Variants in ARID1A observed in about 807,000 individuals in gnomAD.
The protein encoded by ARID1A is AT-rich interactive domain-containing protein 1A.
In ARID1A, 20 loss-of-function variants were observed where a neutral mutation model predicts 212.6. The ratio of observed to expected loss-of-function variants is 0.09; its 90% CI spans 0.07 to 0.14. The LOEUF is 0.14. ARID1A is among the 10% of genes least tolerant of loss of function. ARID1A has a pLI of 1.00. For missense variants in ARID1A, 2,587 were observed against 3,059.0 expected, an observed-to-expected ratio of 0.85 and a Z score of 3.64; for synonymous variants, 1,376 against 1,222.1, an observed-to-expected ratio of 1.13 and a Z score of -2.63.
At chr1:26,768,041 C>T (rs531658327) in intron 11 of ARID1A, 42 bp downstream of exon 11, 14 of 1,589,786 alleles carry the variant, frequency 8.8e-6, no homozygotes, top group East Asian at 4.5e-5. Flanking sequence ...GTGGTTTCCA[C>T]AAACCCCTTT....
rs545141170 is a variant in ARID1A, at chr1:26,778,989, C to A, written c.5125-34C>A. The A allele has an allele frequency of 3.3e-6, 5 of 1,497,410 alleles. No homozygotes were observed. In the South Asian group the frequency reaches 7.2e-5, roughly 21 times the overall value. The allele number at this position is 1,497,410 out of a possible 1,614,324, so 92.8% of individuals were successfully genotyped here. A position where few individuals can be genotyped will look rare whatever the true frequency, so the allele number is the denominator to read the frequency against. On this transcript the variant is annotated intron_variant, in intron 19 of 19. Transcript: ENST00000324856. ...AATTCTGTTCTTAGGCCACTTTTCT[C>A]CCTTAATTTATTTCCTGTTCTTTCT...
Position 26,781,911 on chromosome 1 carries a change from CT to C in ARID1A, c.*1156del. On this transcript the variant is annotated 3_prime_UTR_variant, in exon 20 of 20. Transcript: ENST00000324856. ...AAAAGTTCTAGGTTCAGTTGAAGTT[CT>C]GATGAAGAAACACAATTGAGATTTT... The C allele has an allele frequency of 4.3e-6, 1 of 233,568 alleles. No homozygotes were observed. The highest frequency in any genetic ancestry group is 8.5e-6 in the Non-Finnish European group (1 of 118,016). The allele number at this position is 233,568 out of a possible 1,614,324, so 14.5% of individuals were successfully genotyped here. A position where few individuals can be genotyped will look rare whatever the true frequency, so the allele number is the denominator to read the frequency against.
rs2124740475 is a variant in ARID1A, at chr1:26,696,558, C to T, written c.155C>T (p.Ala52Val). ...GCGGCCGAGCGCGGGGAAATGAAGG[C>T]AGCCGCCGGGCAGGAAAGCGAGGGC... is the stretch of plus-strand genomic sequence containing the variant. ...AAAAERGEMK[A>V]AAGQESEGPA... Residue 52 changes from alanine (A) to valine (V), a missense_variant, in exon 1 of 20, where the codon GCA (alanine) becomes GTA (valine). This residue lies in a region of ARID1A where 735 missense variants were observed against 590.6 expected (regional missense o/e 1.24). Transcript: ENST00000324856. 8.1e-7 allele frequency: 1 copy of T among 1,230,470 alleles called. No individual in the cohort carries two copies. Among genetic ancestry groups the T allele is most frequent in the Non-Finnish European group, 1.0e-6 (1 of 990,054 alleles). 76.2% of individuals were successfully genotyped at this position (1,230,470 alleles called of 1,614,324 possible).
At chr1:26,746,839 C>T (rs547183634) in intron 4 of ARID1A, among the ~76,000 whole-genome samples, 1 of 152,298 alleles carries the variant, frequency 6.6e-6, no homozygotes, top group South Asian at 2.1e-4. Flanking sequence ...GAGTTCAAGG[C>T]TGGCCAATAT....
In ARID1A at chr1:26,735,778, A is replaced by G. The variant is rs2080723386; in HGVS notation, c.1920+2986A>G. Among the ~76,000 whole-genome samples the G allele has an allele frequency of 2.6e-5, 4 of 152,112 alleles. 1 individual carries two copies. The highest frequency in any genetic ancestry group is 2.6e-4 in the Admixed American group (4 of 15,282). On this transcript the variant is annotated intron_variant, in intron 4 of 19. Coordinates refer to ENST00000324856, the MANE Select transcript of ARID1A (RefSeq NM_006015.6). ...ATGGCACTTTGAGAACCTCTACTTT[A>G]TTCTTTTTTCTCTGCCTTGCTCTTG...
intron 1 of ARID1A, among the ~76,000 whole-genome samples, chr1:26,704,248 T>C (rs2124753453): frequency 6.6e-6 from 1 of 152,328 alleles, no homozygotes; most frequent in East Asian, 1.9e-4. Context: ...GTTAAGTTCT[T>C]GGCTAGTTCA....
At chr1:26,775,494 G>C (rs2124125513) in intron 18 of ARID1A, 83 bp from the exon 19 acceptor site, 2 of 1,571,208 alleles carry the variant, frequency 1.3e-6, no homozygotes, top group Non-Finnish European at 1.7e-6. Context: ...TATCTTCAGA[G>C]TAGCTTCACT....
At chr1:26,750,221 A>G (rs965440252) in intron 4 of ARID1A, among the ~76,000 whole-genome samples, 2 of 152,242 alleles carry the variant, frequency 1.3e-5, no homozygotes. Flanking sequence ...ATGGTTTAAT[A>G]GAATGGCTAG....
intron 4 of ARID1A, among the ~76,000 whole-genome samples, chr1:26,757,509 C>T (rs114059345): frequency 5.3e-5 from 8 of 151,286 alleles, no homozygotes; most frequent in African/African-American, 1.7e-4. Context: ...CACAAAGATA[C>T]GCACCAAATA....
intron 1 of ARID1A, 178 bp from the exon 2 acceptor site, chr1:26,729,473 T>C (rs2080651585): frequency 1.5e-6 from 1 of 672,586 alleles, no homozygotes; most frequent in African/African-American, 1.8e-5. Flanking sequence ...AATGACAAAA[T>C]TAGGGTTCTG....
rs2124113515 is a variant in ARID1A at position 26,773,687 on chromosome 1, C to G, written c.3974C>G (p.Pro1325Arg). Residue 1325 changes from proline (P) to arginine (R), a missense_variant, in exon 16 of 20, where the codon CCC becomes CGC. Physicochemically the swap from Pro to Arg is moderately radical, Grantham distance 103 (BLOSUM62 -2). Coordinates refer to ENST00000324856, the MANE Select transcript of ARID1A (RefSeq NM_006015.6). ...DSGMYSPSRY[P>R]PQQQQQQQQR... ...GGGATGTATTCTCCTAGCCGCTACC[C>G]CCCGCAGCAGCAGCAGCAGCAGCAG... 1 of 1,614,148 alleles carries G rather than the reference C, an allele frequency of 6.2e-7. No individual in the cohort carries two copies. Among genetic ancestry groups the G allele is most frequent in the Non-Finnish European group, 8.5e-7 (1 of 1,180,006 alleles).
At chr1:26,766,639 G>A in intron 10 of ARID1A, 73 bp downstream of exon 10, 3 of 1,427,262 alleles carry the variant, frequency 2.1e-6, no homozygotes, top group Non-Finnish European at 1.9e-6. Context: ...AAAAAGAAAA[G>A]AGAGTGACAA....
intron 19 of ARID1A, among the ~76,000 whole-genome samples, chr1:26,776,205 C>T (rs2081134067): frequency 6.6e-6 from 1 of 151,374 alleles, no homozygotes; most frequent in Non-Finnish European, 1.5e-5. Flanking sequence ...CTTCTCTGAA[C>T]AGTAGGGGCC....
chr1:26,772,474 T>C (rs1224827744), intron 12 of ARID1A, 26 bp from the exon 13 acceptor site: 18 of 1,613,934 alleles, frequency 1.1e-5, no homozygotes, highest in Non-Finnish European at 1.4e-5. Context: ...CCAAGCAAAC[T>C]ACTCAACTTG....
Position 26,702,641 on chromosome 1 carries a change from C to T in ARID1A, c.1137+5101C>T, listed in dbSNP as rs573769350. Among the ~76,000 whole-genome samples, 5 of 152,210 alleles carry T rather than the reference C, an allele frequency of 3.3e-5. No homozygotes were observed. In the South Asian group the frequency reaches 1.0e-3, roughly 32 times the overall value. On this transcript the variant is annotated intron_variant, in intron 1 of 19. Coordinates refer to ENST00000324856, the MANE Select transcript of ARID1A (RefSeq NM_006015.6). ...TTTCAAGCAAAGATAATGCTAGCCT[C>T]CTCATGTGGTGGAGTAAAATAACAT... is the stretch of plus-strand genomic sequence containing the variant.
At chr1:26,773,042 A>G (rs2081097705) in intron 14 of ARID1A, 55 bp downstream of exon 14, 1 of 1,564,936 alleles carries the variant, frequency 6.4e-7, no homozygotes, top group South Asian at 1.2e-5. Context: ...GGCCAGTGAA[A>G]TGGGGGGAAA....
intron 1 of ARID1A, among the ~76,000 whole-genome samples, chr1:26,715,019 A>C (rs116215833): frequency 2.1e-3 from 313 of 152,280 alleles, no homozygotes; most frequent in African/African-American, 7.1e-3. Context: ...CTTTGGCGGG[A>C]TATAGAACTA....
chr1:26,780,930 C>T lies in ARID1A; in HGVS notation c.*174C>T. On this transcript the variant is annotated 3_prime_UTR_variant, in exon 20 of 20. Transcript: ENST00000324856. The surrounding 1 kb of genome is among the most constrained non-coding windows in gnomAD (Gnocchi z 7.2). ...TTTCTCTCTCCTCCTTCCACCTCCC[C>T]TCCCTCCATCACCTCACGCCTTTCT... 1 of 881,782 alleles carries T rather than the reference C, an allele frequency of 1.1e-6. No individual in the cohort carries two copies. The highest frequency in any genetic ancestry group is 1.7e-6 in the Non-Finnish European group (1 of 598,662). The allele number at this position is 881,782 out of a possible 1,614,324, so 54.6% of individuals were successfully genotyped here. A position where few individuals can be genotyped will look rare whatever the true frequency, so the allele number is the denominator to read the frequency against.
At chr1:26,767,035 G>C (rs2081045822) in intron 10 of ARID1A, among the ~76,000 whole-genome samples, 1 of 152,194 alleles carries the variant, frequency 6.6e-6, no homozygotes, top group African/African-American at 2.4e-5. Context: ...CTTCCCTTAG[G>C]TTGGTCCTGG....
Sources: gnomAD v4.1 joint callset for allele counts (sites outside exome capture counted in the v4.1 genomes callset) on GRCh38, gnomAD v4.1.1 for gene constraint, gnomAD v4.1.1 regional missense constraint, Gnocchi (gnomAD v3.1) non-coding constraint, MANE v1.5 for transcripts, NCBI Gene and HGNC (gene_info 2026-07-23, HGNC 2026-07-21) for gene names.